Variants in PRKCE observed in about 807,000 individuals in gnomAD.
The protein encoded by PRKCE is protein kinase C epsilon type.
A neutral mutation model predicts 85.4 loss-of-function variants in PRKCE; 16 were observed. That is an observed-to-expected ratio of 0.19 (90% CI 0.13 to 0.28). The LOEUF (loss-of-function observed/expected upper bound fraction) is 0.28. PRKCE is among the 10% of genes least tolerant of loss of function. The pLI is 1.00. For synonymous variants in PRKCE, 388 were observed against 371.5 expected (o/e 1.04, Z -0.51); for missense variants, 573 against 975.2 (o/e 0.59, Z 5.49).
intron 11 of PRKCE, among the ~76,000 whole-genome samples, chr2:46,086,628 A>G (rs1055576999): frequency 9.9e-5 from 15 of 152,200 alleles, no homozygotes; most frequent in African/African-American, 3.4e-4. Context: ...GCTTGGTGCC[A>G]GGTGACCTTG....
At chr2:45,785,368 G>A (rs1686516300) in intron 1 of PRKCE, among the ~76,000 whole-genome samples, 1 of 152,050 alleles carries the variant, frequency 6.6e-6, no homozygotes, top group Non-Finnish European at 1.5e-5. Context: ...GTACACACCT[G>A]TAGTTCCACC....
chr2:45,733,398 C>T (rs570683476), intron 1 of PRKCE, among the ~76,000 whole-genome samples: 69 of 152,246 alleles, frequency 4.5e-4, no homozygotes, highest in African/African-American at 1.4e-3. Flanking sequence ...AGGTCTCTGT[C>T]CTCATGGAGC....
chr2:46,090,915 T>C (rs1296321295), intron 11 of PRKCE, among the ~76,000 whole-genome samples: 1 of 152,214 alleles, frequency 6.6e-6, no homozygotes, highest in African/African-American at 2.4e-5. Flanking sequence ...ACAAGTGTCA[T>C]TGCTTAAGTT....
At position 45,986,643 on chromosome 2, in the gene PRKCE, G is replaced by A. The variant is rs151016788; in HGVS notation, c.823+1963G>A. ...AAAGAGGAAGTCTTTTTTGAAGTAG[G>A]AGGGAGAAGTGGGGGTGTGAGAGGC... On this transcript the variant is annotated intron_variant, in intron 6 of 14. Transcript: ENST00000306156. Among the ~76,000 whole-genome samples, 702 of 152,282 alleles carry A rather than the reference G, an allele frequency of 4.6e-3. 2 individuals carry two copies. The highest frequency in any genetic ancestry group is 0.024 in the Middle Eastern group (7 of 294).
intron 1 of PRKCE, among the ~76,000 whole-genome samples, chr2:45,838,808 A>G (rs1256040542): frequency 2.0e-5 from 3 of 152,038 alleles, no homozygotes; most frequent in African/African-American, 7.2e-5. Flanking sequence ...TCACAACAAC[A>G]CTGTAAAGTC....
At chr2:45,811,524 A>C (rs961847641) in intron 1 of PRKCE, among the ~76,000 whole-genome samples, 1 of 152,134 alleles carries the variant, frequency 6.6e-6, no homozygotes, top group Non-Finnish European at 1.5e-5. Flanking sequence ...AGGGAGGCTG[A>C]CTCACCCTGC....
intron 10 of PRKCE, among the ~76,000 whole-genome samples, chr2:46,080,307 C>G (rs188398495): frequency 6.6e-6 from 1 of 151,142 alleles, no homozygotes; most frequent in African/African-American, 2.5e-5. Flanking sequence ...GAAAATTTTA[C>G]CTTGCTTTAA....
chr2:45,680,966 G>A (rs926868912), intron 1 of PRKCE, among the ~76,000 whole-genome samples: 1 of 152,154 alleles, frequency 6.6e-6, no homozygotes, highest in African/African-American at 2.4e-5. Context: ...AGTAACTTAT[G>A]TATTATAATC....
In PRKCE at chr2:45,955,282, A is replaced by C. The variant is rs184459684; in HGVS notation, c.413-21147A>C. On this transcript the variant is annotated intron_variant, in intron 2 of 14. Transcript: ENST00000306156. ...TGACGAGAGGGCAGAAAGTCCTGGGAAGGAGAACTGGTATAATGAGAAGTT... is the reference window on the plus strand; with the variant it reads ...TGACGAGAGGGCAGAAAGTCCTGGGCAGGAGAACTGGTATAATGAGAAGTT... 3.4e-4 allele frequency among the ~76,000 whole-genome samples: 52 copies of C among 152,262 alleles called. No individual in the cohort carries two copies. In the East Asian group the frequency reaches 8.7e-3, roughly 25 times the overall value.
In PRKCE at chr2:45,676,168, A is replaced by G. The variant is rs1448449065; in HGVS notation, c.348+23720A>G. 5 of 152,128 alleles carry G rather than the reference A, an allele frequency of 3.3e-5. No individual in the cohort carries two copies. In the East Asian group the frequency reaches 9.7e-4, roughly 29 times the overall value. The allele number at this position is 152,128 out of a possible 1,614,324, so 9.4% of individuals were successfully genotyped here. Reference sequence around the variant, plus strand: ...ATAGCTTCACTGGGGGTGTCATTACATGGTCATTATCAGTGGTAAGTTTCC... The same window carrying G: ...ATAGCTTCACTGGGGGTGTCATTACGTGGTCATTATCAGTGGTAAGTTTCC... On this transcript the variant is annotated intron_variant, in intron 1 of 14. Transcript: ENST00000306156.
chr2:45,707,167 A>G (rs1415647308), intron 1 of PRKCE, among the ~76,000 whole-genome samples: 1 of 152,220 alleles, frequency 6.6e-6, no homozygotes, highest in South Asian at 2.1e-4. Flanking sequence ...ATCGCAGTTC[A>G]TTACTTCACA....
intron 1 of PRKCE, among the ~76,000 whole-genome samples, chr2:45,671,595 A>G (rs1558540894): frequency 6.6e-6 from 1 of 152,134 alleles, no homozygotes; most frequent in African/African-American, 2.4e-5. Flanking sequence ...TCCCCCCACC[A>G]GCCTTCTCTC....
chr2:45,885,002 T>TTTGTTG lies in PRKCE; in HGVS notation c.412+41954_412+41959dup, dbSNP rs61430995. On this transcript the variant is annotated intron_variant, in intron 2 of 14. Coordinates refer to ENST00000306156, the MANE Select transcript of PRKCE (RefSeq NM_005400.3). Reference sequence around the variant, plus strand: ...ATATATATATATATATATATATATATTTGTTGTTGTTGTTGTTGTTTTACC... The same window carrying TTTGTTG: ...ATATATATATATATATATATATATATTTGTTGTTGTTGTTGTTGTTGTTGTTTTACC... Among the ~76,000 whole-genome samples, 111 of 97,664 alleles carry TTTGTTG rather than the reference T, an allele frequency of 1.1e-3. 6 individuals are homozygous for TTTGTTG. The highest frequency in any genetic ancestry group is 1.6e-3 in the Admixed American group (14 of 8,636). The allele number at this position is 97,664 out of a possible 152,430, so 64.1% of individuals were successfully genotyped here. A position where few individuals can be genotyped will look rare whatever the true frequency, so the allele number is the denominator to read the frequency against.
rs544227995 is a variant in PRKCE at position 45,951,343 on chromosome 2, G to A, written c.413-25086G>A. Among the ~76,000 whole-genome samples the A allele has an allele frequency of 5.3e-5, 8 of 152,312 alleles. No individual in the cohort carries two copies. The South Asian group carries it at 6.2e-4, about 12-fold the overall frequency. ...GGGAAACAGCTTCATACAGACTGTC[G>A]AGGAAGTCGTGTTTCCAGTCAGTCA... On this transcript the variant is annotated intron_variant, in intron 2 of 14. Coordinates refer to ENST00000306156, the MANE Select transcript of PRKCE (RefSeq NM_005400.3).
intron 1 of PRKCE, among the ~76,000 whole-genome samples, chr2:45,789,120 T>TG (rs1463860549): frequency 6.6e-6 from 1 of 152,148 alleles, no homozygotes; most frequent in East Asian, 1.9e-4. Flanking sequence ...AGGTTCTTGG[T>TG]GGGGGAAGGT....
At chr2:45,899,199 A>G (rs1696381296) in intron 2 of PRKCE, among the ~76,000 whole-genome samples, 1 of 152,082 alleles carries the variant, frequency 6.6e-6, no homozygotes, top group African/African-American at 2.4e-5. Context: ...GTTTTCTCAG[A>G]TGGCCTTATT....
At chr2:45,877,701 C>G (rs1193293145) in intron 2 of PRKCE, among the ~76,000 whole-genome samples, 3 of 152,086 alleles carry the variant, frequency 2.0e-5, no homozygotes, top group Non-Finnish European at 4.4e-5. Flanking sequence ...AATGCCAACA[C>G]CTGAAGTCTT....
chr2:45,833,897 A>G (rs1430087634), intron 1 of PRKCE, among the ~76,000 whole-genome samples: 2 of 152,208 alleles, frequency 1.3e-5, no homozygotes, highest in East Asian at 1.9e-4. Context: ...ATGTACTGCC[A>G]TTTCTCTCAA....
intron 2 of PRKCE, among the ~76,000 whole-genome samples, chr2:45,955,814 G>C (rs1700935414): frequency 6.6e-6 from 1 of 151,904 alleles, no homozygotes; most frequent in Admixed American, 6.6e-5. Flanking sequence ...AAAACAAAGT[G>C]TCATTTACAT....
Sources: allele counts gnomAD v4.1 joint callset (sites outside exome capture counted in the v4.1 genomes callset), GRCh38; gene constraint gnomAD v4.1.1; transcripts MANE v1.5; gene names NCBI Gene and HGNC (gene_info 2026-07-23, HGNC 2026-07-21).